The following BTF3L4 variants were observed in gnomAD, a reference collection of about 807,000 sequenced individuals.
The protein encoded by BTF3L4 is transcription factor BTF3 homolog 4.
In BTF3L4, 6 loss-of-function variants were observed where a neutral mutation model predicts 16.8. The ratio of observed to expected loss-of-function variants is 0.36; its 90% CI spans 0.20 to 0.71. BTF3L4 has a LOEUF of 0.71. BTF3L4 is among the 30% of genes least tolerant of loss of function. BTF3L4 has a pLI of 0.58. For synonymous variants in BTF3L4, 39 were observed against 59.8 expected, an observed-to-expected ratio of 0.65 and a Z score of 1.60; for missense variants, 92 against 186.9, an observed-to-expected ratio of 0.49 and a Z score of 2.96.
intron 1 of BTF3L4, among the ~76,000 whole-genome samples, chr1:52,056,988 C>T (rs925206264): frequency 1.3e-5 from 2 of 152,176 alleles, no homozygotes; most frequent in African/African-American, 4.8e-5. Flanking sequence ...CATAGTTGTC[C>T]CCTCGGGAGT....
At chr1:52,077,503 A>C (rs933237575) in intron 3 of BTF3L4, among the ~76,000 whole-genome samples, 1 of 152,214 alleles carries the variant, frequency 6.6e-6, no homozygotes, top group African/African-American at 2.4e-5. Flanking sequence ...GGTTGAAGTG[A>C]GCCGAGATTG....
chr1:52,075,056 C>T (rs1686897007), intron 3 of BTF3L4, among the ~76,000 whole-genome samples: 1 of 151,562 alleles, frequency 6.6e-6, no homozygotes, highest in South Asian at 2.1e-4. Context: ...CACACCCGGC[C>T]AATAATCATT....
chr1:52,066,214 GA>G lies in BTF3L4; in HGVS notation c.168+1277del, dbSNP rs66723966. 0.01 allele frequency among the ~76,000 whole-genome samples: 1,521 copies of G among 151,926 alleles called. 79 individuals are homozygous for G. The East Asian group carries it at 0.13, about 13-fold the overall frequency. On this transcript the variant is annotated intron_variant, in intron 3 of 5. Coordinates refer to ENST00000313334, the MANE Select transcript of BTF3L4 (RefSeq NM_152265.5). The stretch of plus-strand genomic sequence containing the variant: ...TTCCATTTGTTTTTTTGTTTTTTAA[GA>G]CAGAATCTCACTCTGTCACCCAGGC...
At chr1:52,067,391 ATAG>A (rs1203289644) in intron 3 of BTF3L4, among the ~76,000 whole-genome samples, 15 of 152,244 alleles carry the variant, frequency 9.9e-5, no homozygotes, top group African/African-American at 3.6e-4. Context: ...TACTGATAAA[ATAG>A]TAGAAAATGT....
intron 2 of BTF3L4, among the ~76,000 whole-genome samples, chr1:52,061,726 C>T (rs1481450239): frequency 2.7e-5 from 4 of 150,054 alleles, no homozygotes; most frequent in Non-Finnish European, 4.4e-5. Flanking sequence ...CTGCAACCTC[C>T]GCCTCCTGGA....
chr1:52,072,383 A>G (rs1686813316), intron 3 of BTF3L4, among the ~76,000 whole-genome samples: 1 of 152,132 alleles, frequency 6.6e-6, no homozygotes, highest in African/African-American at 2.4e-5. Context: ...TCATTGGCAT[A>G]CATCACAATG....
chr1:52,084,750 C>A (rs1643954702), intron 4 of BTF3L4, among the ~76,000 whole-genome samples: 1 of 147,500 alleles, frequency 6.8e-6, no homozygotes, highest in Non-Finnish European at 1.5e-5. Flanking sequence ...TATGGAAAGC[C>A]ACTGTACTTC....
intron 3 of BTF3L4, among the ~76,000 whole-genome samples, chr1:52,076,964 G>A (rs1458557318): frequency 6.6e-6 from 1 of 152,178 alleles, no homozygotes; most frequent in Non-Finnish European, 1.5e-5. Context: ...TTAGGGCCGA[G>A]AGTTCAAGAC....
Position 52,073,094 on chromosome 1 carries a change from C to T in BTF3L4, c.168+8156C>T, listed in dbSNP as rs190621189. 2.4e-4 allele frequency among the ~76,000 whole-genome samples: 36 copies of T among 151,896 alleles called. No homozygotes were observed. In the East Asian group the frequency reaches 3.1e-3, roughly 13 times the overall value. ...AAAATTGGCTGGGCGTGGTGGTGCA[C>T]GCCTGTAATCCCAGCTACTCAGGAG... is the stretch of plus-strand genomic sequence containing the variant. On this transcript the variant is annotated intron_variant, in intron 3 of 5. Coordinates refer to ENST00000313334, the MANE Select transcript of BTF3L4 (RefSeq NM_152265.5).
intron 3 of BTF3L4, among the ~76,000 whole-genome samples, chr1:52,075,520 G>A (rs1686908297): frequency 3.1e-5 from 4 of 130,688 alleles, no homozygotes; most frequent in African/African-American, 8.6e-5. Flanking sequence ...GTGAGACTAC[G>A]TCTAAAAAAA....
chr1:52,068,864 C>T (rs1174196173), intron 3 of BTF3L4, among the ~76,000 whole-genome samples: 2 of 152,162 alleles, frequency 1.3e-5, no homozygotes, highest in Non-Finnish European at 2.9e-5. Flanking sequence ...CTCCCAGAAG[C>T]CTTCCTGGTA....
In BTF3L4 at chr1:52,087,665, G is replaced by C. The variant is rs1252429730; in HGVS notation, c.*907G>C. Reference sequence around the variant, plus strand: ...GGTAGATTTCAAACTGGAATAGCTAGCATGTGCTTGCTAAATAATTTTATG... The same window carrying C: ...GGTAGATTTCAAACTGGAATAGCTACCATGTGCTTGCTAAATAATTTTATG... On this transcript the variant is annotated 3_prime_UTR_variant, in exon 6 of 6. Coordinates refer to ENST00000313334, the MANE Select transcript of BTF3L4 (RefSeq NM_152265.5). 6.6e-6 allele frequency: 1 copy of C among 152,252 alleles called. No homozygotes were observed. The highest frequency in any genetic ancestry group is 2.4e-5 in the African/African-American group (1 of 41,430). 9.4% of individuals were successfully genotyped at this position (152,252 alleles called of 1,614,324 possible).
At chr1:52,062,197 C>CTTT (rs34904880) in intron 2 of BTF3L4, among the ~76,000 whole-genome samples, 12 of 53,662 alleles carry the variant, frequency 2.2e-4, no homozygotes, top group African/African-American at 5.2e-4. Context: ...CCGCCTCGGC[C>CTTT]TTTTTTTTTT....
intron 3 of BTF3L4, among the ~76,000 whole-genome samples, chr1:52,075,920 C>T (rs1419210199): frequency 6.6e-6 from 1 of 152,148 alleles, no homozygotes; most frequent in Non-Finnish European, 1.5e-5. Context: ...CCGCCTCAGC[C>T]TCCCGAAGCG....
chr1:52,057,351 C>A (rs1381378417), intron 1 of BTF3L4, among the ~76,000 whole-genome samples: 1 of 152,152 alleles, frequency 6.6e-6, no homozygotes, highest in Non-Finnish European at 1.5e-5. Context: ...TTCTTGAGTC[C>A]TTGAGAACAG....
In BTF3L4 at chr1:52,059,835, A is replaced by G. The variant is rs887331720; in HGVS notation, c.-13A>G. On this transcript the variant is annotated splice_region_variant and 5_prime_UTR_variant, in exon 2 of 6. Coordinates refer to ENST00000313334, the MANE Select transcript of BTF3L4 (RefSeq NM_152265.5). ...AACAAATCTATTTTTCCCCCCCTAG[A>G]TTTACCAACAGCATGAATCAAGAAA... 6.2e-7 allele frequency: 1 copy of G among 1,613,492 alleles called. No individual in the cohort carries two copies. The highest frequency in any genetic ancestry group is 8.5e-7 in the Non-Finnish European group (1 of 1,179,654).
At chr1:52,059,927 TAGG>T (rs1281654914) in intron 2 of BTF3L4, 26 bp downstream of exon 2, 2 of 1,596,584 alleles carry the variant, frequency 1.3e-6, no homozygotes, top group Non-Finnish European at 1.7e-6. Context: ...GAAAAATTGA[TAGG>T]AGAATGTATG....
In BTF3L4 at chr1:52,088,209, C is replaced by A. The variant is rs1572035108; in HGVS notation, c.*1451C>A. 1.3e-5 allele frequency: 2 copies of A among 152,494 alleles called. No individual in the cohort carries two copies. Among genetic ancestry groups the A allele is most frequent in the East Asian group, 3.9e-4 (2 of 5,194 alleles). The allele number at this position is 152,494 out of a possible 1,614,324, so 9.4% of individuals were successfully genotyped here. Reference sequence around the variant, plus strand: ...CCAACTTTTGTGTCAAGCTAGATATCTTTATTTGATATCTAAGGTGCAAGA... The same window carrying A: ...CCAACTTTTGTGTCAAGCTAGATATATTTATTTGATATCTAAGGTGCAAGA... On this transcript the variant is annotated 3_prime_UTR_variant, in exon 6 of 6. Transcript: ENST00000313334.
intron 1 of BTF3L4, among the ~76,000 whole-genome samples, chr1:52,059,471 A>C (rs1686455953): frequency 6.6e-6 from 1 of 152,194 alleles, no homozygotes; most frequent in Admixed American, 6.5e-5. Flanking sequence ...TCTGCTGTAA[A>C]AATCTTTGGG....
Sources: allele counts gnomAD v4.1 joint callset (sites outside exome capture counted in the v4.1 genomes callset), GRCh38; gene constraint gnomAD v4.1.1; transcripts MANE v1.5; gene names NCBI Gene and HGNC (gene_info 2026-07-23, HGNC 2026-07-21).